MYO9B: variants seen among roughly 807,000 people sequenced by gnomAD.
MYO9B encodes the protein myosin IXB, also known as unconventional myosin-IXb.
In MYO9B, 71 loss-of-function variants were observed where a neutral mutation model predicts 229.5. The ratio of observed to expected loss-of-function variants is 0.31; its 90% confidence interval spans 0.26 to 0.38. The LOEUF (loss-of-function observed/expected upper bound fraction) is 0.38, where lower values mean the gene tolerates loss of function less well. Among genes scored for constraint, MYO9B ranks in the 10% least tolerant of loss-of-function variants. MYO9B has a pLI of 1.00. For missense variants in MYO9B, 2,255 were observed against 2,920.5 expected, an observed-to-expected ratio of 0.77 and a Z score of 5.25; for synonymous variants, 1,185 against 1,235.8, an observed-to-expected ratio of 0.96 and a Z score of 0.86.
At chr19:17,152,851 C>T (rs931438685) in intron 4 of MYO9B, 145 bp downstream of exon 4, 6 of 666,656 alleles carry the variant, frequency 9.0e-6, no homozygotes, top group Non-Finnish European at 1.5e-5. Flanking sequence ...AGGGCCTGCC[C>T]ATCCATCTTC....
chr19:17,104,805 CAG>C (rs761389257), intron 2 of MYO9B, among the ~76,000 whole-genome samples: 19 of 152,204 alleles, frequency 1.2e-4, no homozygotes, highest in Non-Finnish European at 2.5e-4. Flanking sequence ...GCAGATAGTG[CAG>C]AGAGTTCCCA....
At chr19:17,155,198 T>A (rs940316740) in intron 6 of MYO9B, among the ~76,000 whole-genome samples, 2 of 151,992 alleles carry the variant, frequency 1.3e-5, no homozygotes, top group Non-Finnish European at 2.9e-5. Flanking sequence ...TTTAATTATT[T>A]TTTTTTTTAG....
At chr19:17,205,864 A>C (rs765767165) in intron 31 of MYO9B, 96 bp from the exon 32 acceptor site, 136 of 1,224,230 alleles carry the variant, frequency 1.1e-4, no homozygotes, top group Non-Finnish European at 1.5e-4. Context: ...GGAAGCCCTG[A>C]GGGCCTTGTG....
intron 24 of MYO9B, among the ~76,000 whole-genome samples, chr19:17,199,150 CTGTG>C (rs1292527378): frequency 1.3e-5 from 2 of 152,124 alleles, no homozygotes; most frequent in African/African-American, 4.8e-5. Flanking sequence ...CTGCAGTGAA[CTGTG>C]ATCATACCAC....
At chr19:17,180,085 T>C (rs1003840521) in intron 14 of MYO9B, among the ~76,000 whole-genome samples, 3 of 147,424 alleles carry the variant, frequency 2.0e-5, no homozygotes, top group African/African-American at 7.5e-5. Flanking sequence ...ATACAAAAAT[T>C]AGCCGGGCAT....
rs60927116 is a variant in MYO9B, at chr19:17,132,178, C to CTTTTT, written c.841-13198_841-13194dup. ...CCACTGTGCCTGGCTTATTTTATTTCTTTTTTTTTTTTTTTTTTTTTTTTT... is the reference window on the plus strand; with the variant it reads ...CCACTGTGCCTGGCTTATTTTATTTCTTTTTTTTTTTTTTTTTTTTTTTTTTTTTT... On this transcript the variant is annotated intron_variant, in intron 2 of 39. Coordinates refer to ENST00000682292, the MANE Select transcript of MYO9B (RefSeq NM_004145.4). 1.9e-3 allele frequency among the ~76,000 whole-genome samples: 150 copies of CTTTTT among 78,444 alleles called. 5 individuals are homozygous for CTTTTT. The highest frequency in any genetic ancestry group is 4.3e-3 in the African/African-American group (76 of 17,716). The allele number at this position is 78,444 out of a possible 152,430, so 51.5% of individuals were successfully genotyped here.
At chr19:17,199,410 G>A (rs2073081227) in intron 24 of MYO9B, among the ~76,000 whole-genome samples, 1 of 152,066 alleles carries the variant, frequency 6.6e-6, no homozygotes, top group South Asian at 2.1e-4. Context: ...GAGTCCCCCT[G>A]TGGCTTCTGT....
At chr19:17,201,903 G>C (rs1455317276) in intron 26 of MYO9B, 23 bp from the exon 27 acceptor site, 1 of 1,591,848 alleles carries the variant, frequency 6.3e-7, no homozygotes, top group Middle Eastern at 1.7e-4. Context: ...AGGCACGCAG[G>C]GTCAGTTCCT....
At chr19:17,134,287 CT>C (rs1353448565) in intron 2 of MYO9B, among the ~76,000 whole-genome samples, 1 of 150,326 alleles carries the variant, frequency 6.7e-6, no homozygotes, top group African/African-American at 2.5e-5. Context: ...CAGTATTTGC[CT>C]TTCTGTGCCT....
intron 2 of MYO9B, among the ~76,000 whole-genome samples, chr19:17,132,044 T>A (rs1452497881): frequency 6.6e-6 from 1 of 151,780 alleles, no homozygotes; most frequent in Non-Finnish European, 1.5e-5. Context: ...CACGCCTGGC[T>A]ATTTTTTTCT....
intron 35 of MYO9B, 126 bp downstream of exon 35, chr19:17,207,370 A>G: frequency 7.6e-7 from 1 of 1,315,226 alleles, no homozygotes. Flanking sequence ...AGCGGTTCAC[A>G]CCTGTAATCC....
At chr19:17,174,985 G>C (rs1025737013) in intron 13 of MYO9B, among the ~76,000 whole-genome samples, 2 of 151,608 alleles carry the variant, frequency 1.3e-5, no homozygotes, top group Non-Finnish European at 2.9e-5. Flanking sequence ...ATTAAAAGAT[G>C]GGTCAAAGTG....
At position 17,122,307 on chromosome 19, in the gene MYO9B, G is replaced by T. The variant is rs563314577; in HGVS notation, c.840+19750G>T. 2.9e-3 allele frequency among the ~76,000 whole-genome samples: 438 copies of T among 152,234 alleles called. 4 individuals carry two copies. Among genetic ancestry groups the T allele is most frequent in the African/African-American group, 9.8e-3 (407 of 41,546 alleles). On this transcript the variant is annotated intron_variant, in intron 2 of 39. Transcript: ENST00000682292. ...TAATCCCAGCACTTTGGGAGTAAGA[G>T]GGGGGCAGATCACCTGAGGTCAGGA...
intron 1 of MYO9B, among the ~76,000 whole-genome samples, chr19:17,087,751 G>A (rs2057597136): frequency 6.6e-6 from 1 of 152,110 alleles, no homozygotes; most frequent in Non-Finnish European, 1.5e-5. Context: ...CTAATGTGGT[G>A]AAACCCTGTC....
At chr19:17,142,462 T>C (rs2072353587) in intron 2 of MYO9B, among the ~76,000 whole-genome samples, 1 of 152,160 alleles carries the variant, frequency 6.6e-6, no homozygotes, top group African/African-American at 2.4e-5. Flanking sequence ...TGTCATGTTT[T>C]ACGCCAATTT....
chr19:17,126,529 G>A (rs1475685250), intron 2 of MYO9B, among the ~76,000 whole-genome samples: 1 of 152,206 alleles, frequency 6.6e-6, no homozygotes, highest in African/African-American at 2.4e-5. Context: ...GCTTGACTCT[G>A]CTATTGTAAC....
intron 2 of MYO9B, among the ~76,000 whole-genome samples, chr19:17,110,650 G>A (rs1299032454): frequency 6.6e-6 from 1 of 152,144 alleles, no homozygotes; most frequent in Non-Finnish European, 1.5e-5. Flanking sequence ...AATAAAATAA[G>A]GATCCTTGCT....
In MYO9B at chr19:17,207,150, G is replaced by C. The variant is rs773747751; in HGVS notation, c.5530G>C (p.Gly1844Arg). ...LLEDVNRMSP[G>R]ALAIIFAPCL... ...CGAGGATGTCAACCGCATGTCACCTGGGGCGCTGGCCATTATCTTCGCACC... is the reference window on the plus strand; with the variant it reads ...CGAGGATGTCAACCGCATGTCACCTCGGGCGCTGGCCATTATCTTCGCACC... The change falls in exon 35 of 40, where the codon GGG becomes CGG. Residue 1844 changes from glycine (G) to arginine (R), a missense_variant. By Grantham distance (125) the Gly-to-Arg change is moderately radical. This residue lies in a region of MYO9B where 416 missense variants were observed against 605.5 expected (regional missense o/e 0.69). Transcript: ENST00000682292. The C allele has an allele frequency of 1.2e-6, 2 of 1,609,082 alleles. No individual in the cohort carries two copies. Among genetic ancestry groups the C allele is most frequent in the Non-Finnish European group, 1.7e-6 (2 of 1,178,600 alleles).
rs1388909247 is a variant in MYO9B at position 17,212,008 on chromosome 19, A to AC, written c.6178dup (p.Arg2060ProfsTer140). The AC allele has an allele frequency of 2.5e-6, 4 of 1,595,966 alleles. No individual in the cohort carries two copies. The highest frequency in any genetic ancestry group is 3.4e-6 in the Non-Finnish European group (4 of 1,173,040). On this transcript the variant is annotated frameshift_variant, in exon 40 of 40. Coordinates refer to ENST00000682292, the MANE Select transcript of MYO9B (RefSeq NM_004145.4). LOFTEE classifies it low-confidence loss of function (END_TRUNC). This position sits in a 1 kb window ranked among gnomAD's most constrained non-coding sequence, Gnocchi z 5.4. ...GTCCTTCGTAACGGTCAGAGTGAAG[A>AC]CCCCCCGGCGGACCCCCATCATGCC... is the stretch of plus-strand genomic sequence containing the variant.
Sources: gnomAD v4.1 joint callset for allele counts (sites outside exome capture counted in the v4.1 genomes callset) on GRCh38, gnomAD v4.1.1 for gene constraint, gnomAD v4.1.1 regional missense constraint, Gnocchi (gnomAD v3.1) non-coding constraint, MANE v1.5 for transcripts, NCBI Gene and HGNC (gene_info 2026-07-23, HGNC 2026-07-21) for gene names.